HSPA12A: variants seen among roughly 807,000 people sequenced by gnomAD.
The protein encoded by HSPA12A is heat shock protein family A (Hsp70) member 12A.
A neutral mutation model predicts 69.2 loss-of-function variants in HSPA12A; 28 were observed. The observed-to-expected ratio is 0.40, with a 90% CI of 0.30 to 0.55. HSPA12A has a LOEUF of 0.55. HSPA12A is among the 20% of genes least tolerant of loss of function. The pLI is 0.38. For synonymous variants in HSPA12A, 345 were observed against 370.5 expected (o/e 0.93, Z 0.79); for missense variants, 686 against 900.7 (o/e 0.76, Z 3.05).
upstream of HSPA12A, chr10:116,849,829 C>G: frequency 1.5e-6 from 2 of 1,343,772 alleles, no homozygotes; most frequent in South Asian, 1.4e-5. Flanking sequence ...CTCAGAATCT[C>G]GCATGCCAGC....
intron 7 of HSPA12A, 134 bp from the exon 8 acceptor site, chr10:116,682,011 A>C: frequency 1.4e-6 from 1 of 712,092 alleles, no homozygotes; most frequent in Non-Finnish European, 2.4e-6. Context: ...AAAATAAGTC[A>C]ATACGATGTC....
intron 2 of HSPA12A, chr10:116,750,579 TA>T (rs59196229): frequency 0.1 from 33,277 of 324,124 alleles, 1,982 homozygotes; most frequent in African/African-American, 0.19. Context: ...TCTCAATACA[TA>T]AAAAAACAGC....
chr10:116,734,429 A>C (rs1297325478), intron 1 of HSPA12A, among the ~76,000 whole-genome samples: 1 of 149,568 alleles, frequency 6.7e-6, no homozygotes, highest in African/African-American at 2.5e-5. Flanking sequence ...CAGCTTGGGC[A>C]ATAGAGCGAG....
chr10:116,746,790 A>C (rs1851659686), upstream of HSPA12A, among the ~76,000 whole-genome samples: 1 of 152,222 alleles, frequency 6.6e-6, no homozygotes, highest in Non-Finnish European at 1.5e-5. Context: ...AGACACACAG[A>C]AGATATGAGT....
chr10:116,803,730 A>G (rs1190549437), intron 2 of HSPA12A, among the ~76,000 whole-genome samples: 1 of 152,142 alleles, frequency 6.6e-6, no homozygotes, highest in Non-Finnish European at 1.5e-5. Context: ...TGCAAGGCAC[A>G]CTCTCTTAAA....
At chr10:116,741,924 G>A (rs1317040350) in intron 1 of HSPA12A, among the ~76,000 whole-genome samples, 1 of 152,190 alleles carries the variant, frequency 6.6e-6, no homozygotes, top group Non-Finnish European at 1.5e-5. Flanking sequence ...TCCGGCCGGG[G>A]TGGGATGGGG....
In HSPA12A at chr10:116,683,965, G is replaced by A; in HGVS notation, c.664-3C>T. On this transcript the variant is annotated splice_region_variant and splice_polypyrimidine_tract_variant and intron_variant, in intron 6 of 11. Transcript: ENST00000369209. ...TTCTCGGGGGAGGCCAGGCCTGCCT[G>A]GAAGACAGAAACAGAGGCTGGGACC... 6.4e-7 allele frequency: 1 copy of A among 1,561,714 alleles called. No individual in the cohort carries two copies. The highest frequency in any genetic ancestry group is 8.7e-7 in the Non-Finnish European group (1 of 1,145,692).
chr10:116,826,333 T>G (rs1677738113), intron 2 of HSPA12A, among the ~76,000 whole-genome samples: 1 of 152,202 alleles, frequency 6.6e-6, no homozygotes, highest in African/African-American at 2.4e-5. Flanking sequence ...GCCATTGGCT[T>G]TCACTCACCA....
At chr10:116,758,318 A>G (rs887850613) in intron 2 of HSPA12A, among the ~76,000 whole-genome samples, 2 of 152,080 alleles carry the variant, frequency 1.3e-5, no homozygotes, top group Non-Finnish European at 2.9e-5. Flanking sequence ...GGCCTCCTCA[A>G]TGCATTGCCC....
At chr10:116,802,446 G>A (rs1844977569) in intron 2 of HSPA12A, among the ~76,000 whole-genome samples, 1 of 152,210 alleles carries the variant, frequency 6.6e-6, no homozygotes, top group African/African-American at 2.4e-5. Flanking sequence ...GATTCTGTGA[G>A]CAGGGGAACA....
At chr10:116,811,097 C>G (rs1845170637) in intron 2 of HSPA12A, among the ~76,000 whole-genome samples, 1 of 152,086 alleles carries the variant, frequency 6.6e-6, no homozygotes, top group South Asian at 2.1e-4. Context: ...CTGGAGGAGG[C>G]AACATTTCAG....
intron 2 of HSPA12A, chr10:116,749,978 A>C (rs1197647243): frequency 5.0e-6 from 1 of 198,058 alleles, no homozygotes; most frequent in African/African-American, 2.3e-5. Context: ...ACAAGAGGGT[A>C]AAATGGATTA....
intron 2 of HSPA12A, among the ~76,000 whole-genome samples, chr10:116,783,847 C>A (rs1844517183): frequency 6.6e-6 from 1 of 152,142 alleles, no homozygotes; most frequent in Admixed American, 6.5e-5. Context: ...GGACTACAGG[C>A]ATGTGCCACC....
chr10:116,680,385 G>A (rs1226712102), intron 9 of HSPA12A, among the ~76,000 whole-genome samples: 1 of 152,294 alleles, frequency 6.6e-6, no homozygotes, highest in South Asian at 2.1e-4. Flanking sequence ...ATCCAAGGGC[G>A]GGGGCTGGAA....
chr10:116,693,357 G>A (rs1251180416), intron 5 of HSPA12A, among the ~76,000 whole-genome samples: 1 of 152,148 alleles, frequency 6.6e-6, no homozygotes, highest in African/African-American at 2.4e-5. Flanking sequence ...GGTTCACGGG[G>A]ACAAAATATG....
At chr10:116,740,572 G>A (rs1207439251) in intron 1 of HSPA12A, among the ~76,000 whole-genome samples, 4 of 152,050 alleles carry the variant, frequency 2.6e-5, no homozygotes, top group African/African-American at 7.2e-5. Flanking sequence ...GCAGAAGAGC[G>A]GTGGCAGGTG....
chr10:116,844,922 C>A (rs1845854987), intron 1 of HSPA12A, among the ~76,000 whole-genome samples: 1 of 152,142 alleles, frequency 6.6e-6, no homozygotes, highest in African/African-American at 2.4e-5. Context: ...CTTAGAAATT[C>A]TTTTTGAAAT....
chr10:116,705,419 A>T, intron 2 of HSPA12A, 141 bp from the exon 3 acceptor site: 1 of 1,050,170 alleles, frequency 9.5e-7, no homozygotes, highest in Admixed American at 1.9e-5. Context: ...CAAGTCTACC[A>T]CCTGGGGAGA....
chr10:116,754,793 A>C (rs1463821963), intron 2 of HSPA12A, among the ~76,000 whole-genome samples: 1 of 152,246 alleles, frequency 6.6e-6, no homozygotes, highest in Non-Finnish European at 1.5e-5. Context: ...ACATCTAATA[A>C]TGAGATCACA....
Sources: allele counts gnomAD v4.1 joint callset (sites outside exome capture counted in the v4.1 genomes callset), GRCh38; gene constraint gnomAD v4.1.1; transcripts MANE v1.5; gene names NCBI Gene and HGNC (gene_info 2026-07-23, HGNC 2026-07-21).